The following FBXW8 variants were observed in gnomAD, a reference collection of about 807,000 sequenced individuals.
FBXW8 encodes F-box and WD repeat domain containing 8, also known as F-box/WD repeat-containing protein 8.
In FBXW8, 57 loss-of-function variants were observed where a neutral mutation model predicts 65.3. That is an observed-to-expected ratio of 0.87 (90% confidence interval 0.71 to 1.09). The LOEUF is 1.09. Ranked by LOEUF, FBXW8 falls within the 50% of genes least tolerant of loss-of-function variation. The probability of loss-of-function intolerance (pLI) is 0.00; values close to 1 mark genes in which losing one functional copy is unlikely to be tolerated. For missense variants in FBXW8, 777 were observed against 814.8 expected, an observed-to-expected ratio of 0.95 and a Z score of 0.57; for synonymous variants, 308 against 330.2, an observed-to-expected ratio of 0.93 and a Z score of 0.73.
chr12:116,989,287 G>A (rs1043156941), intron 7 of FBXW8, among the ~76,000 whole-genome samples: 1 of 152,240 alleles, frequency 6.6e-6, no homozygotes, highest in African/African-American at 2.4e-5. Flanking sequence ...TCCAGCATAT[G>A]CTTCTAGCTC....
chr12:116,990,456 C>G (rs1295521299), intron 7 of FBXW8, among the ~76,000 whole-genome samples: 1 of 152,058 alleles, frequency 6.6e-6, no homozygotes. Context: ...TTTCCCATCC[C>G]TGGTGAGCTC....
rs373043679 is a variant in FBXW8 at position 116,985,372 on chromosome 12, G to C, written c.1002G>C (p.Gln334His). The C allele has an allele frequency of 1.5e-5, 24 of 1,610,824 alleles. No homozygotes were observed. In the African/African-American group the frequency reaches 1.7e-4, roughly 12 times the overall value. Residue 334 changes from glutamine (Q) to histidine (H), a missense_variant, in exon 6 of 11, where the codon CAG becomes CAC. Gln to His is a conservative substitution (Grantham distance 24). Transcript: ENST00000652555. ...MLSPNEEGYW[Q>H]IAAEFEVPKL... ...CCCCCAATGAGGAGGGGTACTGGCA[G>C]ATAGCTGCGGAATTTGAAGTTCCGA...
intron 5 of FBXW8, chr12:116,978,682 A>T (rs567025160): frequency 6.6e-6 from 1 of 152,366 alleles, no homozygotes; most frequent in South Asian, 2.1e-4. Context: ...TCAAGAAACC[A>T]CTAAAGACCA....
At chr12:117,027,161 G>A (rs991149261) in intron 9 of FBXW8, among the ~76,000 whole-genome samples, 8 of 152,206 alleles carry the variant, frequency 5.3e-5, no homozygotes, top group Admixed American at 1.3e-4. Flanking sequence ...GCCAGCATGC[G>A]TACGGGGCAT....
intron 5 of FBXW8, among the ~76,000 whole-genome samples, chr12:116,968,775 G>T (rs1459932860): frequency 6.6e-6 from 1 of 151,922 alleles, no homozygotes; most frequent in African/African-American, 2.4e-5. Flanking sequence ...GTCACCAAGT[G>T]TAGTTTTAAT....
chr12:116,919,196 C>G (rs1880686943), intron 1 of FBXW8, among the ~76,000 whole-genome samples: 1 of 152,184 alleles, frequency 6.6e-6, no homozygotes, highest in Admixed American at 6.5e-5. Context: ...TTGATCAGCT[C>G]AGTGCTGGGG....
intron 10 of FBXW8, 73 bp downstream of exon 10, chr12:117,027,577 G>A (rs559216492): frequency 7.9e-5 from 91 of 1,150,278 alleles, no homozygotes; most frequent in African/African-American, 7.8e-4. Flanking sequence ...CCCCCCCGCC[G>A]TGACACATTG....
chr12:116,954,780 A>G (rs1159374162), intron 4 of FBXW8, among the ~76,000 whole-genome samples: 1 of 152,072 alleles, frequency 6.6e-6, no homozygotes, highest in East Asian at 1.9e-4. Flanking sequence ...TTGCAATCTA[A>G]CCTTTTGACT....
At chr12:116,982,891 A>T (rs1885413885) in intron 5 of FBXW8, among the ~76,000 whole-genome samples, 1 of 152,148 alleles carries the variant, frequency 6.6e-6, no homozygotes, top group African/African-American at 2.4e-5. Flanking sequence ...TAGTTATTTT[A>T]TGCACTTACA....
chr12:117,009,903 G>A (rs879393119), intron 7 of FBXW8, among the ~76,000 whole-genome samples: 8 of 152,154 alleles, frequency 5.3e-5, no homozygotes, highest in Non-Finnish European at 7.3e-5. Context: ...CGCCTGTGAC[G>A]TAAATTCAGA....
intron 4 of FBXW8, chr12:116,951,081 T>C (rs1226078563): frequency 6.6e-6 from 1 of 152,246 alleles, no homozygotes; most frequent in Non-Finnish European, 1.5e-5. Flanking sequence ...CGAGTCCAGA[T>C]GCCAGTCCTT....
chr12:116,977,998 G>C (rs1034182428), intron 5 of FBXW8: 3 of 151,980 alleles, frequency 2.0e-5, no homozygotes, highest in African/African-American at 7.3e-5. Flanking sequence ...TGGTGATCTC[G>C]CTGCTTTGTT....
chr12:116,980,807 C>A (rs563532453), intron 5 of FBXW8, among the ~76,000 whole-genome samples: 170 of 152,232 alleles, frequency 1.1e-3, no homozygotes, highest in Middle Eastern at 6.8e-3. Context: ...TAAGCTTATT[C>A]ATTGTTCCAT....
At chr12:117,024,391 C>A in intron 9 of FBXW8, 71 bp downstream of exon 9, 1 of 1,568,578 alleles carries the variant, frequency 6.4e-7, no homozygotes, top group South Asian at 1.1e-5. Flanking sequence ...TCAGCCTGCA[C>A]CAGGCACGGT....
intron 7 of FBXW8, among the ~76,000 whole-genome samples, chr12:117,005,068 C>G (rs189870209): frequency 1.3e-5 from 2 of 152,126 alleles, no homozygotes; most frequent in East Asian, 3.8e-4. Context: ...GTGGGACTGT[C>G]GGACTGGATG....
intron 5 of FBXW8, among the ~76,000 whole-genome samples, chr12:116,975,330 C>T (rs766658881): frequency 5.3e-5 from 8 of 152,164 alleles, no homozygotes; most frequent in Non-Finnish European, 7.4e-5. Flanking sequence ...CTGGAAAGTC[C>T]AAGATCAGGG....
chr12:116,993,073 CA>C (rs1333988324), intron 7 of FBXW8, among the ~76,000 whole-genome samples: 1 of 149,284 alleles, frequency 6.7e-6, no homozygotes, highest in African/African-American at 2.5e-5. Flanking sequence ...TCACAACATC[CA>C]TACCAACATC....
At chr12:117,023,755 T>C (rs924736286) in intron 8 of FBXW8, among the ~76,000 whole-genome samples, 2 of 152,264 alleles carry the variant, frequency 1.3e-5, no homozygotes, top group African/African-American at 4.8e-5. Context: ...CTGGGGTGTC[T>C]GGCTTTGTAG....
rs185225489 is a variant in FBXW8 at position 116,945,174 on chromosome 12, T to C, written c.424-190T>C. 2.2e-4 allele frequency among the ~76,000 whole-genome samples: 34 copies of C among 152,362 alleles called. No homozygotes were observed. The East Asian group carries it at 6.6e-3, about 29-fold the overall frequency. On this transcript the variant is annotated intron_variant, in intron 2 of 10. Coordinates refer to ENST00000652555, the MANE Select transcript of FBXW8 (RefSeq NM_153348.3). ...GATATTACATGGTGGTACAACAATT[T>C]TGAAATCTTGAAAGATAAAACTGGA...
Sources: gnomAD v4.1 joint callset for allele counts (sites outside exome capture counted in the v4.1 genomes callset) on GRCh38, gnomAD v4.1.1 for gene constraint, MANE v1.5 for transcripts, NCBI Gene and HGNC (gene_info 2026-07-23, HGNC 2026-07-21) for gene names.